Variants in WDPCP observed in about 807,000 individuals in gnomAD.
The protein encoded by WDPCP is WD repeat-containing and planar cell polarity effector protein fritz homolog.
WDPCP carries 71 observed loss-of-function variants against 93.1 expected under a neutral mutation model. The observed-to-expected ratio is 0.76, with a 90% confidence interval of 0.63 to 0.93. WDPCP has a LOEUF of 0.93. Among genes scored for constraint, WDPCP ranks in the 40% least tolerant of loss-of-function variants. The pLI, the probability that WDPCP is intolerant of heterozygous loss-of-function variation, is 0.00. For synonymous variants in WDPCP, 315 were observed against 315.0 expected (o/e 1.00, Z 0.00); for missense variants, 844 against 887.4 (o/e 0.95, Z 0.62).
chr2:63,541,333 T>C (rs12713496), intron 1 of WDPCP, among the ~76,000 whole-genome samples: 122,541 of 152,134 alleles, frequency 0.81, 50,011 homozygotes, highest in East Asian at 0.98. Flanking sequence ...AAACTGCATG[T>C]AAACAAATGG....
intron 13 of WDPCP, among the ~76,000 whole-genome samples, chr2:63,288,492 T>C (rs1168348101): frequency 6.6e-6 from 1 of 152,222 alleles, no homozygotes; most frequent in African/African-American, 2.4e-5. Context: ...AGTCTAGATC[T>C]GTGATAGTAA....
At chr2:63,382,392 C>A (rs1048290018) in intron 10 of WDPCP, among the ~76,000 whole-genome samples, 5 of 151,898 alleles carry the variant, frequency 3.3e-5, no homozygotes, top group Non-Finnish European at 5.9e-5. Flanking sequence ...ATATGGCTGA[C>A]CTCATTTGAA....
At chr2:63,482,572 A>G (rs1014378878) in intron 6 of WDPCP, among the ~76,000 whole-genome samples, 2 of 151,976 alleles carry the variant, frequency 1.3e-5, no homozygotes, top group Non-Finnish European at 2.9e-5. Flanking sequence ...ATTTTAATTT[A>G]TTGCGATACC....
At chr2:63,501,532 C>T (rs540597030) in intron 1 of WDPCP, among the ~76,000 whole-genome samples, 6 of 152,342 alleles carry the variant, frequency 3.9e-5, no homozygotes, top group African/African-American at 7.2e-5. Context: ...TGCCACTGCA[C>T]TCCAGCCTAG....
chr2:63,448,908 C>T (rs1345064237), intron 6 of WDPCP, among the ~76,000 whole-genome samples: 1 of 151,970 alleles, frequency 6.6e-6, no homozygotes, highest in African/African-American at 2.4e-5. Context: ...TTTTGTTAGA[C>T]AGGAGAAATA....
intron 2 of WDPCP, among the ~76,000 whole-genome samples, chr2:63,730,516 T>C (rs1337986448): frequency 6.6e-6 from 1 of 152,172 alleles, no homozygotes; most frequent in Admixed American, 6.5e-5. Flanking sequence ...CAGGCTGGAG[T>C]GCAACAGCGT....
In WDPCP at chr2:63,413,685, C is replaced by T. The variant is rs140450491; in HGVS notation, c.826-9028G>A. Among the ~76,000 whole-genome samples the T allele has an allele frequency of 3.5e-4, 53 of 152,234 alleles. 1 individual carries two copies. In the East Asian group the frequency reaches 9.7e-3, roughly 28 times the overall value. On this transcript the variant is annotated intron_variant, in intron 9 of 17. Transcript: ENST00000272321. ...TGGTGGCGGGAGCCTGTAGTCCCAG[C>T]TACTCAGGAGGCTGAGGCAGGAGAA...
At chr2:63,453,493 G>A (rs1032887398) in intron 6 of WDPCP, among the ~76,000 whole-genome samples, 1 of 152,206 alleles carries the variant, frequency 6.6e-6, no homozygotes, top group Non-Finnish European at 1.5e-5. Context: ...TACACTGTTG[G>A]TGGGACTATA....
At chr2:63,642,603 C>T (rs1420231160) in intron 3 of WDPCP, 1 of 151,468 alleles carries the variant, frequency 6.6e-6, no homozygotes, top group Non-Finnish European at 1.5e-5. Context: ...TTTCAGATTG[C>T]TTGCTGTTAA....
chr2:63,577,936 C>T (rs1325244001), intron 1 of WDPCP, among the ~76,000 whole-genome samples: 1 of 152,102 alleles, frequency 6.6e-6, no homozygotes, highest in African/African-American at 2.4e-5. Context: ...TGATACCCAA[C>T]ACAGGAAATC....
chr2:63,613,628 A>G (rs1709642032), intron 3 of WDPCP, among the ~76,000 whole-genome samples: 1 of 152,232 alleles, frequency 6.6e-6, no homozygotes, highest in Admixed American at 6.5e-5. Context: ...CATGGGTGCT[A>G]AAAGGAATCT....
intron 10 of WDPCP, among the ~76,000 whole-genome samples, chr2:63,395,850 T>C (rs1693683818): frequency 6.6e-6 from 1 of 152,088 alleles, no homozygotes; most frequent in East Asian, 1.9e-4. Context: ...GTCTCAGCCT[T>C]CTGAGTAGCT....
intron 13 of WDPCP, among the ~76,000 whole-genome samples, chr2:63,295,198 C>G (rs966314926): frequency 6.6e-6 from 1 of 151,568 alleles, no homozygotes; most frequent in Admixed American, 6.6e-5. Context: ...ACTACAAAAA[C>G]AATCACCCAA....
intron 14 of WDPCP, among the ~76,000 whole-genome samples, chr2:63,238,795 T>C (rs554986646): frequency 2.0e-5 from 3 of 152,284 alleles, no homozygotes; most frequent in African/African-American, 7.2e-5. Flanking sequence ...TTTTCTTTGA[T>C]AGGTGAAGAC....
intron 13 of WDPCP, among the ~76,000 whole-genome samples, chr2:63,281,285 CACTTT>C (rs776362057): frequency 1.3e-5 from 2 of 152,162 alleles, no homozygotes; most frequent in Non-Finnish European, 1.5e-5. Flanking sequence ...AATGTGATAC[CACTTT>C]ACTTCTGCAA....
chr2:63,466,408 A>AT (rs1558671860), intron 6 of WDPCP, among the ~76,000 whole-genome samples: 34 of 152,134 alleles, frequency 2.2e-4, no homozygotes, highest in African/African-American at 8.2e-4. Context: ...TATATATATA[A>AT]AACGTAATAT....
intron 13 of WDPCP, among the ~76,000 whole-genome samples, chr2:63,260,892 T>C (rs1369768680): frequency 6.6e-6 from 1 of 152,178 alleles, no homozygotes; most frequent in Non-Finnish European, 1.5e-5. Flanking sequence ...CTATGGCCCA[T>C]GGGCCAAATC....
intron 17 of WDPCP, among the ~76,000 whole-genome samples, chr2:63,146,334 C>T (rs1279480870): frequency 6.6e-6 from 1 of 150,984 alleles, no homozygotes; most frequent in Non-Finnish European, 1.5e-5. Context: ...ATGATTTTGG[C>T]TATGGGTTTG....
At chr2:63,728,480 G>A (rs1179920668) in intron 2 of WDPCP, among the ~76,000 whole-genome samples, 1 of 152,152 alleles carries the variant, frequency 6.6e-6, no homozygotes, top group Non-Finnish European at 1.5e-5. Context: ...AGGCTGGCTG[G>A]CATCTTAATC....
Sources: gnomAD v4.1 joint callset for allele counts (sites outside exome capture counted in the v4.1 genomes callset) on GRCh38, gnomAD v4.1.1 for gene constraint, MANE v1.5 for transcripts, NCBI Gene and HGNC (gene_info 2026-07-23, HGNC 2026-07-21) for gene names.